The following SIL1 variants were observed in gnomAD, a reference collection of about 807,000 sequenced individuals.
The protein encoded by SIL1 is SIL1 nucleotide exchange factor.
A neutral mutation model predicts 49.1 loss-of-function variants in SIL1; 40 were observed. The observed-to-expected ratio is 0.81, with a 90% CI of 0.63 to 1.06. SIL1 has a LOEUF of 1.06. Ranked by LOEUF, SIL1 falls within the 50% of genes least tolerant of loss-of-function variation. The pLI, the probability that SIL1 is intolerant of heterozygous loss-of-function variation, is 0.00. For synonymous variants in SIL1, 253 were observed against 250.8 expected (o/e 1.01, Z -0.08); for missense variants, 500 against 572.6 (o/e 0.87, Z 1.29).
intron 7 of SIL1, among the ~76,000 whole-genome samples, chr5:138,996,057 C>A (rs1202039718): frequency 6.6e-6 from 1 of 152,198 alleles, no homozygotes; most frequent in East Asian, 1.9e-4. Context: ...ATACACCCAG[C>A]AGAATTGCTG....
chr5:139,041,979 G>C (rs1417236585), intron 5 of SIL1, among the ~76,000 whole-genome samples: 1 of 152,082 alleles, frequency 6.6e-6, no homozygotes, highest in African/African-American at 2.4e-5. Context: ...TGATCTTCCT[G>C]GTATAGACCT....
rs375756703 is a variant in SIL1, at chr5:139,011,684, T to C, written c.767+9487A>G. Among the ~76,000 whole-genome samples, 30 of 152,238 alleles carry C rather than the reference T, an allele frequency of 2.0e-4. 1 individual carries two copies. The South Asian group carries it at 4.8e-3, about 24-fold the overall frequency. On this transcript the variant is annotated intron_variant, in intron 7 of 9. Transcript: ENST00000394817. The stretch of plus-strand genomic sequence containing the variant: ...ATCTGTTTCTGCTGTCTTTCACTCA[T>C]AGTGCCTTATTTTTTATGTGCTTTG...
Position 138,947,616 on chromosome 5 carries a change from TC to T in SIL1, c.1030-144del. 1 of 693,876 alleles carries T rather than the reference TC, an allele frequency of 1.4e-6. No individual in the cohort carries two copies. The allele number at this position is 693,876 out of a possible 1,614,324, so 43.0% of individuals were successfully genotyped here. A position where few individuals can be genotyped will look rare whatever the true frequency, so the allele number is the denominator to read the frequency against. On this transcript the variant is annotated intron_variant, in intron 9 of 9. Transcript: ENST00000394817. The surrounding 1 kb of genome is among the most constrained non-coding windows in gnomAD (Gnocchi z 4.1). ...CCCTGAGGGCCCACCTCTTCCTCTA[TC>T]CCCAAGTCTGTCTGTCTATTCATTC...
At chr5:139,045,725 C>T (rs1453428849) in intron 4 of SIL1, among the ~76,000 whole-genome samples, 1 of 152,306 alleles carries the variant, frequency 6.6e-6, no homozygotes, top group East Asian at 1.9e-4. Context: ...CCCCTCCCAA[C>T]TTTTCTATTT....
chr5:138,968,411 C>T (rs984724042), intron 7 of SIL1, among the ~76,000 whole-genome samples: 1 of 152,178 alleles, frequency 6.6e-6, no homozygotes, highest in African/African-American at 2.4e-5. Flanking sequence ...AATTTCTCAA[C>T]TCATCTCCAT....
At chr5:139,002,411 C>CTTTGAAATATTTCATATT (rs1768007686) in intron 7 of SIL1, among the ~76,000 whole-genome samples, 1 of 152,040 alleles carries the variant, frequency 6.6e-6, no homozygotes, top group African/African-American at 2.4e-5. Context: ...CTGAACTCCT[C>CTTTGAAATATTTCATATT]TTTGAAATAT....
chr5:139,059,071 T>TAC (rs1381689572), intron 3 of SIL1, among the ~76,000 whole-genome samples: 2 of 152,108 alleles, frequency 1.3e-5, no homozygotes, highest in Non-Finnish European at 2.9e-5. Context: ...TATGTATATG[T>TAC]ACACACACAC....
intron 7 of SIL1, among the ~76,000 whole-genome samples, chr5:138,964,490 G>C (rs1362573361): frequency 6.6e-6 from 1 of 152,168 alleles, no homozygotes; most frequent in Admixed American, 6.5e-5. Context: ...CTGCCCAACT[G>C]AAGGCAGATG....
intron 1 of SIL1, among the ~76,000 whole-genome samples, chr5:139,134,560 C>G (rs1750935027): frequency 6.6e-6 from 1 of 152,182 alleles, no homozygotes; most frequent in Non-Finnish European, 1.5e-5. Flanking sequence ...CCAGCTGACC[C>G]ATGCCTCAAA....
rs776455071 is a variant in SIL1, at chr5:139,042,735, T to G, written c.354-16A>C. ...GATATCCAGCCTGTCCAAAGAAAAC[T>G]GAGAGTAAAGAGGGAGGCATGGCTA... On this transcript the variant is annotated splice_polypyrimidine_tract_variant and intron_variant, in intron 4 of 9. Transcript: ENST00000394817. 2 of 1,612,024 alleles carry G rather than the reference T, an allele frequency of 1.2e-6. No individual in the cohort carries two copies. Among genetic ancestry groups the G allele is most frequent in the Non-Finnish European group, 8.5e-7 (1 of 1,178,194 alleles).
intron 3 of SIL1, among the ~76,000 whole-genome samples, chr5:139,112,669 G>A (rs1044609521): frequency 2.7e-5 from 4 of 150,228 alleles, no homozygotes; most frequent in East Asian, 2.0e-4. Context: ...CGCCCCATCC[G>A]GGAGGGAGGT....
At chr5:138,968,926 C>G (rs1395574887) in intron 7 of SIL1, among the ~76,000 whole-genome samples, 2 of 152,140 alleles carry the variant, frequency 1.3e-5, no homozygotes, top group Non-Finnish European at 2.9e-5. Flanking sequence ...TGAGTTCTGA[C>G]TTCTCTCCCC....
chr5:139,045,438 T>G (rs527291667), intron 4 of SIL1, among the ~76,000 whole-genome samples: 15 of 152,314 alleles, frequency 9.8e-5, no homozygotes, highest in Admixed American at 3.9e-4. Context: ...TCTCCAACTC[T>G]TGCTGGTTCC....
rs145792717 is a variant in SIL1, at chr5:138,963,806, A to G, written c.768-11922T>C. Among the ~76,000 whole-genome samples the G allele has an allele frequency of 5.7e-3, 875 of 152,350 alleles. 13 individuals carry two copies. The highest frequency in any genetic ancestry group is 0.02 in the African/African-American group (836 of 41,590). ...CGGTTTTCCGTGGGGGCGGATCAAC[A>G]TGGCCTCCTCAGCTAGCTGCATTTC... On this transcript the variant is annotated intron_variant, in intron 7 of 9. Coordinates refer to ENST00000394817, the MANE Select transcript of SIL1 (RefSeq NM_022464.5).
chr5:139,127,676 T>G (rs540565453), intron 2 of SIL1, 63 bp downstream of exon 2: 1 of 1,323,936 alleles, frequency 7.6e-7, no homozygotes, highest in East Asian at 2.5e-5. Context: ...ACAGCCCTGG[T>G]GACAGGGAGG....
At chr5:139,050,083 T>A (rs765861899) in intron 4 of SIL1, among the ~76,000 whole-genome samples, 1 of 152,182 alleles carries the variant, frequency 6.6e-6, no homozygotes, top group Non-Finnish European at 1.5e-5. Context: ...CTGAATTTCA[T>A]ACATTTTCAT....
At chr5:139,057,329 G>GAAAAA (rs953514942) in intron 3 of SIL1, among the ~76,000 whole-genome samples, 1 of 99,984 alleles carries the variant, frequency 1.0e-5, no homozygotes, top group Non-Finnish European at 2.1e-5. Context: ...AAAAAAAAAA[G>GAAAAA]AAAAGAAAAG....
At chr5:139,086,334 T>A (rs1216496612) in intron 3 of SIL1, among the ~76,000 whole-genome samples, 1 of 150,954 alleles carries the variant, frequency 6.6e-6, no homozygotes, top group Non-Finnish European at 1.5e-5. Flanking sequence ...TCTACATAAA[T>A]GAGTTTCATT....
chr5:139,127,283 A>C (rs558051922), intron 2 of SIL1, among the ~76,000 whole-genome samples: 1 of 152,316 alleles, frequency 6.6e-6, no homozygotes, highest in African/African-American at 2.4e-5. Context: ...CCACACAGGC[A>C]CTCAGCTTTT....
Sources: gnomAD v4.1 joint callset for allele counts (sites outside exome capture counted in the v4.1 genomes callset) on GRCh38, gnomAD v4.1.1 for gene constraint, Gnocchi (gnomAD v3.1) non-coding constraint, MANE v1.5 for transcripts, NCBI Gene and HGNC (gene_info 2026-07-23, HGNC 2026-07-21) for gene names.